Variants in IL1RL1 observed in about 807,000 individuals in gnomAD.
IL1RL1 encodes the protein interleukin 1 receptor like 1.
A neutral mutation model predicts 50.9 loss-of-function variants in IL1RL1; 32 were observed. The ratio of observed to expected loss-of-function variants is 0.63; its 90% CI spans 0.47 to 0.84. The LOEUF (loss-of-function observed/expected upper bound fraction) is 0.84, where lower values mean the gene tolerates loss of function less well. Among genes scored for constraint, IL1RL1 ranks in the 40% least tolerant of loss-of-function variants. The pLI is 0.00. For synonymous variants in IL1RL1, 275 were observed against 236.0 expected, an observed-to-expected ratio of 1.17 and a Z score of -1.51; for missense variants, 773 against 662.9, an observed-to-expected ratio of 1.17 and a Z score of -1.82.
intron 1 of IL1RL1, chr2:102,313,063 G>A (rs1676565361): frequency 6.6e-6 from 1 of 152,014 alleles, no homozygotes; most frequent in African/African-American, 2.4e-5. Flanking sequence ...GAGACAGAAA[G>A]CTCTGGACTA....
At chr2:102,326,184 T>C (rs1002669544) in intron 1 of IL1RL1, among the ~76,000 whole-genome samples, 16 of 151,976 alleles carry the variant, frequency 1.1e-4, no homozygotes, top group Non-Finnish European at 1.6e-4. Context: ...CAGAAGAGAG[T>C]GGGGGCCAAT....
intron 5 of IL1RL1, chr2:102,341,305 G>A (rs779616358): frequency 2.4e-5 from 30 of 1,244,446 alleles, no homozygotes; most frequent in Non-Finnish European, 3.0e-5. Flanking sequence ...AAATGTTGTC[G>A]AGTGGTTTTT....
intron 8 of IL1RL1, among the ~76,000 whole-genome samples, chr2:102,346,655 A>G (rs1677794242): frequency 3.3e-5 from 5 of 152,156 alleles, no homozygotes; most frequent in Admixed American, 6.5e-5. Context: ...TGTTGAAATG[A>G]TTTACTTACG....
At chr2:102,328,212 G>A (rs1199144858) in intron 1 of IL1RL1, among the ~76,000 whole-genome samples, 6 of 151,962 alleles carry the variant, frequency 3.9e-5, no homozygotes, top group East Asian at 1.9e-4. Flanking sequence ...TACACAAATC[G>A]ATAAACATAA....
intron 8 of IL1RL1, chr2:102,345,525 G>A: frequency 1.0e-6 from 1 of 985,400 alleles, no homozygotes; most frequent in African/African-American, 1.7e-5. Flanking sequence ...GTGTGGTATG[G>A]TTAGGATTCA....
intron 1 of IL1RL1, among the ~76,000 whole-genome samples, chr2:102,316,843 G>A (rs538148623): frequency 6.6e-6 from 1 of 152,262 alleles, no homozygotes; most frequent in African/African-American, 2.4e-5. Context: ...AAGAGTTCTT[G>A]TAATTGGCAA....
chr2:102,345,056 G>A (rs1677731308), intron 8 of IL1RL1: 2 of 928,984 alleles, frequency 2.2e-6, no homozygotes, highest in African/African-American at 1.8e-5. Flanking sequence ...CCAAAGCAGG[G>A]TGGAGAGAGT....
At chr2:102,335,534 C>A (rs373060354) in intron 1 of IL1RL1, among the ~76,000 whole-genome samples, 1 of 152,256 alleles carries the variant, frequency 6.6e-6, no homozygotes, top group East Asian at 1.9e-4. Context: ...ATAAGTACCA[C>A]AGAGTATTGT....
chr2:102,341,924 C>T (rs1044978893), intron 5 of IL1RL1, among the ~76,000 whole-genome samples: 2 of 152,036 alleles, frequency 1.3e-5, no homozygotes, highest in Non-Finnish European at 2.9e-5. Context: ...CTAACAACTA[C>T]TAGGTCATGT....
rs1353696143 is a variant in IL1RL1, at chr2:102,340,900, G to C, written c.610+72G>C. The stretch of plus-strand genomic sequence containing the variant: ...GAAGTGGGAACAGCGGTGCCCTTCT[G>C]GTTGGGTTTCTTGCACTTCTCCCTC... On this transcript the variant is annotated intron_variant, in intron 5 of 10. Coordinates refer to ENST00000233954, the MANE Select transcript of IL1RL1 (RefSeq NM_016232.5). 7.9e-6 allele frequency: 10 copies of C among 1,267,626 alleles called. No homozygotes were observed. The East Asian group carries it at 2.4e-4, about 31-fold the overall frequency. 78.5% of individuals were successfully genotyped at this position (1,267,626 alleles called of 1,614,324 possible).
chr2:102,324,892 G>A (rs562987419), intron 1 of IL1RL1, among the ~76,000 whole-genome samples: 274 of 152,320 alleles, frequency 1.8e-3, no homozygotes, highest in Middle Eastern at 6.8e-3. Flanking sequence ...GCTCAAGGAG[G>A]CCTGCCTGCC....
At chr2:102,343,506 A>T (rs1157158982) in intron 8 of IL1RL1, 91 bp downstream of exon 8, 2 of 1,608,960 alleles carry the variant, frequency 1.2e-6, no homozygotes, top group African/African-American at 2.7e-5. Context: ...CCATCAAGAC[A>T]ATGGGAATGG....
chr2:102,318,578 G>A (rs1172331027), intron 1 of IL1RL1, among the ~76,000 whole-genome samples: 6 of 152,126 alleles, frequency 3.9e-5, no homozygotes, highest in Non-Finnish European at 5.9e-5. Context: ...AAGTGTGGAC[G>A]GCAGGTGTAA....
At chr2:102,350,897 A>G (rs1341602123) in intron 10 of IL1RL1, among the ~76,000 whole-genome samples, 4 of 152,178 alleles carry the variant, frequency 2.6e-5, no homozygotes, top group African/African-American at 9.7e-5. Context: ...TGCAGTGAGG[A>G]CTGGGTATTT....
chr2:102,326,818 T>C (rs1310554719), intron 1 of IL1RL1, among the ~76,000 whole-genome samples: 1 of 152,086 alleles, frequency 6.6e-6, no homozygotes, highest in Non-Finnish European at 1.5e-5. Flanking sequence ...CCTAAATATA[T>C]ATGCACCCAA....
At chr2:102,334,374 A>G (rs1006398720) in intron 1 of IL1RL1, among the ~76,000 whole-genome samples, 1 of 152,018 alleles carries the variant, frequency 6.6e-6, no homozygotes, top group Non-Finnish European at 1.5e-5. Flanking sequence ...AGTTTGGAGT[A>G]TGGGCAAGAA....
intron 1 of IL1RL1, among the ~76,000 whole-genome samples, chr2:102,311,913 T>A (rs181663280): frequency 1.4e-3 from 30 of 21,318 alleles, no homozygotes; most frequent in African/African-American, 4.0e-3. Context: ...ATGTTATATA[T>A]TTTATTATAT....
At chr2:102,344,372 AAAGTATTT>A (rs1677704199) in intron 8 of IL1RL1, 2 of 965,080 alleles carry the variant, frequency 2.1e-6, no homozygotes, top group Non-Finnish European at 2.5e-6. Flanking sequence ...TAAACTTTGT[AAAGTATTT>A]AAGGTACATG....
At chr2:102,345,300 C>G (rs958730621) in intron 8 of IL1RL1, 5 of 985,288 alleles carry the variant, frequency 5.1e-6, no homozygotes, top group African/African-American at 1.7e-5. Flanking sequence ...CATTTCACTC[C>G]TGAGCACTTG....
Sources: allele counts gnomAD v4.1 joint callset (sites outside exome capture counted in the v4.1 genomes callset), GRCh38; gene constraint gnomAD v4.1.1; transcripts MANE v1.5; gene names NCBI Gene and HGNC (gene_info 2026-07-23, HGNC 2026-07-21).